Variants in GFM1 observed in about 807,000 individuals in gnomAD.
GFM1 encodes the protein G elongation factor mitochondrial 1.
A neutral mutation model predicts 96.2 loss-of-function variants in GFM1; 62 were observed. The ratio of observed to expected loss-of-function variants is 0.64; its 90% CI spans 0.53 to 0.80. The LOEUF is 0.80. Among genes scored for constraint, GFM1 ranks in the 30% least tolerant of loss-of-function variants. The pLI is 0.00. For missense variants in GFM1, 852 were observed against 916.6 expected, an observed-to-expected ratio of 0.93 and a Z score of 0.91; for synonymous variants, 282 against 312.9, an observed-to-expected ratio of 0.90 and a Z score of 1.04.
rs531728845 is a variant in GFM1 at position 158,646,210 on chromosome 3, C to A, written c.280C>A (p.Leu94Ile). 5.0e-6 allele frequency: 8 copies of A among 1,613,792 alleles called. No individual in the cohort carries two copies. The highest frequency in any genetic ancestry group is 6.8e-6 in the Non-Finnish European group (8 of 1,179,696). ...TGGTGCTGTCATGGATTCCATGGAA[C>A]TAGAGAGACAAAGAGGAATCACTAT... ...GVGAVMDSME[L>I]ERQRGITIQS... The change falls in exon 3 of 18, where the codon CTA becomes ATA. Residue 94 changes from leucine (L) to isoleucine (I), a missense_variant. By Grantham distance (5) the Leu-to-Ile change is conservative (BLOSUM62 2). Transcript: ENST00000486715.
In GFM1 at chr3:158,655,220, C is replaced by T. The variant is rs185085506; in HGVS notation, c.1083+589C>T. ...ATCCCAGCACTTTGGGAGGCTGAGG[C>T]GGGCAGATCAGAAGGTCAGGAGTGG... is the stretch of plus-strand genomic sequence containing the variant. On this transcript the variant is annotated intron_variant, in intron 8 of 17. Coordinates refer to ENST00000486715, the MANE Select transcript of GFM1 (RefSeq NM_024996.7). Among the ~76,000 whole-genome samples, 382 of 152,042 alleles carry T rather than the reference C, an allele frequency of 2.5e-3. 1 individual carries two copies. Among genetic ancestry groups the T allele is most frequent in the Non-Finnish European group, 3.7e-3 (249 of 67,956 alleles).
At position 158,693,265 on chromosome 3, in the gene GFM1, G is replaced by A. The variant is rs1035930530; in HGVS notation, c.*1798G>A. 2.0e-5 allele frequency: 3 copies of A among 152,094 alleles called. No homozygotes were observed. Among genetic ancestry groups the A allele is most frequent in the African/African-American group, 7.2e-5 (3 of 41,406 alleles). 9.4% of individuals were successfully genotyped at this position (152,094 alleles called of 1,614,324 possible). A position where few individuals can be genotyped will look rare whatever the true frequency, so the allele number is the denominator to read the frequency against. ...ATCTTGTGACATTCACAATAACTTT[G>A]AATATTGTTCCTAATGAGGAAATAC... On this transcript the variant is annotated 3_prime_UTR_variant, in exon 18 of 18. Coordinates refer to ENST00000486715, the MANE Select transcript of GFM1 (RefSeq NM_024996.7).
At chr3:158,671,290 C>T (rs557488801) in intron 13 of GFM1, among the ~76,000 whole-genome samples, 4 of 152,236 alleles carry the variant, frequency 2.6e-5, no homozygotes, top group African/African-American at 9.6e-5. Context: ...TTTATTTAAC[C>T]CCTGGATCTG....
intron 13 of GFM1, among the ~76,000 whole-genome samples, chr3:158,681,737 A>G (rs1725397934): frequency 6.6e-6 from 1 of 152,136 alleles, no homozygotes; most frequent in African/African-American, 2.4e-5. Context: ...TTTTCTTTTA[A>G]TTACTCGACT....
chr3:158,676,063 A>C (rs985892141), intron 13 of GFM1, among the ~76,000 whole-genome samples: 1 of 152,194 alleles, frequency 6.6e-6, no homozygotes, highest in Non-Finnish European at 1.5e-5. Flanking sequence ...GCTTGGGCCC[A>C]GGAGGTTGAG....
At chr3:158,649,848 G>A (rs1722148234) in intron 5 of GFM1, 10 of 619,084 alleles carry the variant, frequency 1.6e-5, no homozygotes, top group Admixed American at 2.5e-5. Context: ...ATTGGGGTGG[G>A]GCCCGTAGTT....
chr3:158,648,449 C>T (rs371108272), intron 4 of GFM1, among the ~76,000 whole-genome samples: 25 of 152,080 alleles, frequency 1.6e-4, no homozygotes, highest in Admixed American at 1.2e-3. Flanking sequence ...GAGGCCGAGG[C>T]GGGTGGATCA....
chr3:158,690,066 CT>C, intron 15 of GFM1, 96 bp from the exon 16 acceptor site: 2 of 1,096,772 alleles, frequency 1.8e-6, no homozygotes, highest in Non-Finnish European at 2.8e-6. Flanking sequence ...GTGTTTGTAC[CT>C]TTGGGAAAGC....
In GFM1 at chr3:158,659,079, G is replaced by A. The variant is rs1412836196; in HGVS notation, c.1221+20G>A. On this transcript the variant is annotated intron_variant, in intron 9 of 17. Coordinates refer to ENST00000486715, the MANE Select transcript of GFM1 (RefSeq NM_024996.7). ...ATGGAGGCAAGTACAGAGTCATTGT[G>A]AGATTAGAAATTCCTCTGATGTGGG... is the stretch of plus-strand genomic sequence containing the variant. The A allele has an allele frequency of 4.3e-6, 7 of 1,613,866 alleles. No homozygotes were observed. The African/African-American group carries it at 6.7e-5, about 15-fold the overall frequency.
intron 13 of GFM1, among the ~76,000 whole-genome samples, chr3:158,676,258 C>G (rs941257972): frequency 6.6e-6 from 1 of 152,066 alleles, no homozygotes; most frequent in Non-Finnish European, 1.5e-5. Flanking sequence ...AAGAACCAGA[C>G]CCTGTCTCAA....
At chr3:158,662,709 T>G (rs757573588) in intron 11 of GFM1, 25 bp downstream of exon 11, 1 of 1,397,456 alleles carries the variant, frequency 7.2e-7, no homozygotes, top group Non-Finnish European at 1.0e-6. Flanking sequence ...TAAAGCTCAG[T>G]ATATCACAAT....
chr3:158,646,683 G>A, intron 3 of GFM1, 60 bp from the exon 4 acceptor site: 1 of 1,356,402 alleles, frequency 7.4e-7, no homozygotes, highest in Non-Finnish European at 1.0e-6. Flanking sequence ...ACTTCTAATA[G>A]TGCATATATT....
At position 158,653,524 on chromosome 3, in the gene GFM1, T is replaced by C. The variant is rs1576734856; in HGVS notation, c.998+57T>C. On this transcript the variant is annotated intron_variant, in intron 7 of 17. Coordinates refer to ENST00000486715, the MANE Select transcript of GFM1 (RefSeq NM_024996.7). ...CAGAAATACTTTCGTATTTATGCAC[T>C]GTGAAGGAATTTAAGGATAGTTCTT... 8 of 1,262,158 alleles carry C rather than the reference T, an allele frequency of 6.3e-6. No individual in the cohort carries two copies. In the East Asian group the frequency reaches 1.8e-4, roughly 29 times the overall value. The allele number at this position is 1,262,158 out of a possible 1,614,324, so 78.2% of individuals were successfully genotyped here. A position where few individuals can be genotyped will look rare whatever the true frequency, so the allele number is the denominator to read the frequency against.
chr3:158,667,170 A>G, intron 13 of GFM1: 3 of 1,265,530 alleles, frequency 2.4e-6, no homozygotes, highest in Non-Finnish European at 3.2e-6. Flanking sequence ...GATGAATATA[A>G]TATTTCCATT....
At chr3:158,650,300 C>G (rs1297920519) in intron 5 of GFM1, 3 of 495,094 alleles carry the variant, frequency 6.1e-6, no homozygotes, top group African/African-American at 5.8e-5. Flanking sequence ...GCCCCTAGAA[C>G]AACTAGTTAC....
intron 1 of GFM1, 93 bp from the exon 2 acceptor site, chr3:158,645,536 C>A: frequency 9.2e-7 from 1 of 1,083,026 alleles, no homozygotes; most frequent in Non-Finnish European, 1.4e-6. Context: ...AGTGAGATTT[C>A]TTGGAGGAAT....
intron 14 of GFM1, 65 bp downstream of exon 14, chr3:158,682,222 C>A: frequency 1.5e-6 from 2 of 1,309,520 alleles, no homozygotes; most frequent in Non-Finnish European, 2.2e-6. Context: ...GGTATTAAAT[C>A]ATACTTTGTC....
rs1281403471 is a variant in GFM1 at position 158,691,212 on chromosome 3, C to G, written c.2124+20C>G. ...ACAGAGGTAGGCAAATTTAAACTTA[C>G]CCTTCAAAAGACCACCCTACAGAAT... On this transcript the variant is annotated intron_variant, in intron 17 of 17. Coordinates refer to ENST00000486715, the MANE Select transcript of GFM1 (RefSeq NM_024996.7). 6.2e-6 allele frequency: 10 copies of G among 1,608,566 alleles called. No homozygotes were observed. Among genetic ancestry groups the G allele is most frequent in the Admixed American group, 1.7e-5 (1 of 59,994 alleles).
intron 13 of GFM1, among the ~76,000 whole-genome samples, chr3:158,681,050 A>C (rs1725335120): frequency 6.6e-6 from 1 of 152,210 alleles, no homozygotes; most frequent in African/African-American, 2.4e-5. Context: ...ATACTTGAGA[A>C]TATGTCAGCG....
Sources: gnomAD v4.1 joint callset for allele counts (sites outside exome capture counted in the v4.1 genomes callset) on GRCh38, gnomAD v4.1.1 for gene constraint, MANE v1.5 for transcripts, NCBI Gene and HGNC (gene_info 2026-07-23, HGNC 2026-07-21) for gene names.